Variants in CFAP97 observed in about 807,000 individuals in gnomAD.
CFAP97 encodes the protein cilia- and flagella-associated protein 97.
Under a neutral mutation model 43.1 loss-of-function variants are expected in CFAP97, and 36 were observed. The ratio of observed to expected loss-of-function variants is 0.84; its 90% confidence interval spans 0.64 to 1.10. The LOEUF (loss-of-function observed/expected upper bound fraction) is 1.10. Among genes scored for constraint, CFAP97 ranks in the 50% least tolerant of loss-of-function variants. The pLI is 0.00. For synonymous variants in CFAP97, 228 were observed against 225.7 expected (o/e 1.01, Z -0.09); for missense variants, 657 against 620.3 (o/e 1.06, Z -0.63).
At chr4:185,177,709 C>T (rs538082771) in intron 2 of CFAP97, among the ~76,000 whole-genome samples, 3 of 152,042 alleles carry the variant, frequency 2.0e-5, no homozygotes, top group South Asian at 2.1e-4. Context: ...GTGGCACACA[C>T]CTGTAATTCC....
At chr4:185,192,064 ACTTGCTGT>A (rs1357305567) in intron 1 of CFAP97, among the ~76,000 whole-genome samples, 5 of 152,238 alleles carry the variant, frequency 3.3e-5, no homozygotes, top group South Asian at 2.1e-4. Context: ...ACATTTCAGG[ACTTGCTGT>A]CTTTGTCCCC....
chr4:185,190,228 C>T lies in CFAP97; in HGVS notation c.969G>A (p.Ser323=), dbSNP rs766427099. The part of the protein sequence containing the change: ...EKHEPDVSSK[S]SSVLDSSLDH... ...CTAAACTGGAGTCTAACACTGAAGA[C>T]GACTTTGAGGAGACATCAGGCTCAT... is the stretch of plus-strand genomic sequence containing the variant. Residue 323 remains serine, a synonymous_variant, in exon 2 of 5, where the codon TCG becomes TCA. Transcript: ENST00000458385. 1.6e-5 allele frequency: 26 copies of T among 1,613,380 alleles called. No individual in the cohort carries two copies. The highest frequency in any genetic ancestry group is 2.2e-5 in the South Asian group (2 of 90,878).
chr4:185,187,795 AG>A (rs1736066620), intron 2 of CFAP97, among the ~76,000 whole-genome samples: 1 of 151,880 alleles, frequency 6.6e-6, no homozygotes, highest in South Asian at 2.1e-4. Flanking sequence ...CCTAGGCATC[AG>A]TATTTGTTTT....
chr4:185,184,789 T>G (rs1445887426), intron 2 of CFAP97, among the ~76,000 whole-genome samples: 1 of 152,228 alleles, frequency 6.6e-6, no homozygotes, highest in Non-Finnish European at 1.5e-5. Flanking sequence ...CTATTTTCTA[T>G]TAGATGGTTT....
chr4:185,194,448 C>T (rs1736449281), intron 1 of CFAP97, among the ~76,000 whole-genome samples: 1 of 152,178 alleles, frequency 6.6e-6, no homozygotes, highest in Admixed American at 6.5e-5. Flanking sequence ...GAGATTGCAC[C>T]ATTGCACTCC....
rs375420694 is a variant in CFAP97 at position 185,164,085 on chromosome 4, T to C, written c.1415A>G (p.Asn472Ser). 2.5e-6 allele frequency: 4 copies of C among 1,613,806 alleles called. No individual in the cohort carries two copies. The African/African-American group carries it at 5.3e-5, about 22-fold the overall frequency. Residue 472 changes from asparagine to serine, a missense_variant, in exon 4 of 5, where the codon AAC (asparagine) becomes AGC (serine). By Grantham distance (46) the Asn-to-Ser change is conservative. Coordinates refer to ENST00000458385, the MANE Select transcript of CFAP97 (RefSeq NM_020827.3). ...GGCCCGTCTTGACAATGGTGATGAG[T>C]TGAGATAGCCCATATTGCGATGATA... ...MDYHRNMGYLNSSPLSRRARS... is the reference protein window; with the variant it reads ...MDYHRNMGYLSSSPLSRRARS...
upstream of CFAP97, among the ~76,000 whole-genome samples, chr4:185,206,660 CAAAAAA>C (rs375061067): frequency 3.9e-5 from 3 of 77,438 alleles, no homozygotes; most frequent in African/African-American, 1.5e-4. Context: ...ACTCTTGTCT[CAAAAAA>C]AAAAAAAAAA....
chr4:185,168,481 C>T (rs1276201013), intron 3 of CFAP97, among the ~76,000 whole-genome samples: 4 of 151,076 alleles, frequency 2.6e-5, no homozygotes, highest in Admixed American at 6.6e-5. Flanking sequence ...GTGACACACA[C>T]CAGTAATCCC....
At chr4:185,190,066 G>A in intron 2 of CFAP97, 77 bp downstream of exon 2, 1 of 1,175,666 alleles carries the variant, frequency 8.5e-7, no homozygotes, top group Non-Finnish European at 1.2e-6. Flanking sequence ...CTAGATCAAT[G>A]CAAATTCATA....
At chr4:185,176,888 C>A (rs1196973819) in intron 2 of CFAP97, among the ~76,000 whole-genome samples, 3 of 152,154 alleles carry the variant, frequency 2.0e-5, no homozygotes, top group Admixed American at 6.5e-5. Context: ...CTTAATATTG[C>A]CATTAAAGCA....
intron 1 of CFAP97, 92 bp downstream of exon 1, chr4:185,203,805 TG>T (rs35079963): frequency 0.46 from 69,090 of 151,600 alleles, 16,240 homozygotes; most frequent in East Asian, 0.58. Flanking sequence ...CGCCGCCGCC[TG>T]GGCTCCGGAG....
At chr4:185,178,351 G>A (rs999698039) in intron 2 of CFAP97, among the ~76,000 whole-genome samples, 3 of 144,238 alleles carry the variant, frequency 2.1e-5, no homozygotes, top group Non-Finnish European at 3.0e-5. Context: ...CAGTTCAAGC[G>A]ATTGTCCTGC....
At position 185,162,379 on chromosome 4, in the gene CFAP97, G is replaced by A. The variant is rs143212947; in HGVS notation, c.*419C>T. On this transcript the variant is annotated 3_prime_UTR_variant, in exon 5 of 5. Transcript: ENST00000458385. ...TATGTCATGCCACATAAGTTCTAAAGCAAATGAAAAACAAAGCCAGCCAAA... is the reference window on the plus strand; with the variant it reads ...TATGTCATGCCACATAAGTTCTAAAACAAATGAAAAACAAAGCCAGCCAAA... The A allele has an allele frequency of 1.4e-4, 25 of 176,242 alleles. No individual in the cohort carries two copies. The highest frequency in any genetic ancestry group is 2.7e-3 in the Middle Eastern group (1 of 370). The allele number at this position is 176,242 out of a possible 1,614,324, so 10.9% of individuals were successfully genotyped here. A position where few individuals can be genotyped will look rare whatever the true frequency, so the allele number is the denominator to read the frequency against.
intron 1 of CFAP97, among the ~76,000 whole-genome samples, chr4:185,194,993 C>G (rs1367117464): frequency 6.6e-6 from 1 of 152,150 alleles, no homozygotes; most frequent in Non-Finnish European, 1.5e-5. Context: ...TCTGCTACTT[C>G]CCAGTTGTGC....
At chr4:185,207,210 CTTT>C (rs34373262), upstream of CFAP97, among the ~76,000 whole-genome samples, 51 of 76,838 alleles carry the variant, frequency 6.6e-4, no homozygotes, top group Middle Eastern at 9.4e-3. Context: ...ACCAGTCACA[CTTT>C]TTTTTTTTTT....
At chr4:185,187,724 T>C (rs1429480903) in intron 2 of CFAP97, among the ~76,000 whole-genome samples, 1 of 151,302 alleles carries the variant, frequency 6.6e-6, no homozygotes, top group African/African-American at 2.4e-5. Flanking sequence ...CGTACAGCAA[T>C]GGTTGTCACC....
intron 3 of CFAP97, among the ~76,000 whole-genome samples, chr4:185,165,514 T>G (rs2111314872): frequency 6.6e-6 from 1 of 152,314 alleles, no homozygotes; most frequent in Middle Eastern, 3.4e-3. Context: ...ACCAAACAGC[T>G]TGGGGAATTG....
upstream of CFAP97, chr4:185,204,171 T>C (rs946383658): frequency 6.6e-6 from 1 of 151,708 alleles, no homozygotes; most frequent in Non-Finnish European, 1.5e-5. Context: ...ACGCGCACAC[T>C]AGAAGAGCCG....
intron 4 of CFAP97, among the ~76,000 whole-genome samples, chr4:185,163,593 A>G (rs1447235017): frequency 2.0e-5 from 3 of 151,900 alleles, no homozygotes; most frequent in East Asian, 1.9e-4. Context: ...GTAAAGCGGT[A>G]AGGCTTGTTG....
Sources: allele counts gnomAD v4.1 joint callset (sites outside exome capture counted in the v4.1 genomes callset), GRCh38; gene constraint gnomAD v4.1.1; transcripts MANE v1.5; gene names NCBI Gene and HGNC (gene_info 2026-07-23, HGNC 2026-07-21).